The following EPHA10 variants were observed in gnomAD, a reference collection of about 807,000 sequenced individuals.
EPHA10 encodes EPH receptor A10.
EPHA10 carries 120 observed loss-of-function variants against 109.7 expected under a neutral mutation model. The ratio of observed to expected loss-of-function variants is 1.09; its 90% CI spans 0.94 to 1.27. The LOEUF (loss-of-function observed/expected upper bound fraction) is 1.27. EPHA10 is among the 50% of genes most tolerant of loss of function. EPHA10 has a pLI of 0.00. For missense variants in EPHA10, 1,396 were observed against 1,411.1 expected (o/e 0.99, Z 0.17); for synonymous variants, 640 against 618.9 (o/e 1.03, Z -0.51).
At chr1:37,722,274 TC>T in intron 10 of EPHA10, 1 of 245,742 alleles carries the variant, frequency 4.1e-6, no homozygotes, top group Non-Finnish European at 8.2e-6. Flanking sequence ...TCTGCCTTCC[TC>T]AGTGGGGGGA....
chr1:37,761,104 A>AC (rs1557560341), intron 3 of EPHA10: 1 of 1,048,850 alleles, frequency 9.5e-7, no homozygotes, highest in African/African-American at 1.6e-5. Context: ...AAAAAAAAAA[A>AC]CAATGACTTC....
Position 37,761,669 on chromosome 1 carries a change from C to CAG in EPHA10, c.585_586insCT (p.Gly196LeufsTer154), listed in dbSNP as rs762420581. 1.2e-6 allele frequency: 2 copies of CAG among 1,610,602 alleles called. No individual in the cohort carries two copies. The highest frequency in any genetic ancestry group is 1.7e-6 in the Non-Finnish European group (2 of 1,179,870). ...ACCGAGACAAGCGCCACGCATGCGC[C>CAG]CACGTCCTGAAAGGCCAGGTGGAAA... On this transcript the variant is annotated frameshift_variant, in exon 3 of 17. Coordinates refer to ENST00000373048, the MANE Select transcript of EPHA10 (RefSeq NM_001099439.2). LOFTEE classifies it high-confidence loss of function.
intron 8 of EPHA10, among the ~76,000 whole-genome samples, chr1:37,725,530 A>AAG (rs1645875778): frequency 3.5e-5 from 5 of 142,402 alleles, no homozygotes; most frequent in South Asian, 2.3e-4. Flanking sequence ...AAAAAAAAAA[A>AAG]GAAGTAACGA....
At chr1:37,757,463 T>A (rs1646399519) in intron 3 of EPHA10, among the ~76,000 whole-genome samples, 1 of 152,178 alleles carries the variant, frequency 6.6e-6, no homozygotes, top group South Asian at 2.1e-4. Flanking sequence ...CTTTCACACC[T>A]CTGGGTCTTG....
At chr1:37,761,148 C>T in intron 3 of EPHA10, 1 of 1,329,668 alleles carries the variant, frequency 7.5e-7, no homozygotes, top group Non-Finnish European at 9.6e-7. Context: ...AACGAGAAGG[C>T]CTGTGCAAGG....
intron 7 of EPHA10, among the ~76,000 whole-genome samples, chr1:37,730,305 A>G (rs1645960572): frequency 6.6e-6 from 1 of 152,134 alleles, no homozygotes; most frequent in African/African-American, 2.4e-5. Flanking sequence ...CCTATCTTGG[A>G]TTAGAGTCAT....
chr1:37,755,593 T>C (rs1038828476), intron 3 of EPHA10, among the ~76,000 whole-genome samples: 5 of 152,184 alleles, frequency 3.3e-5, no homozygotes, highest in African/African-American at 4.8e-5. Flanking sequence ...ACCCCACTTA[T>C]TTGCTGTGTG....
chr1:37,753,892 G>T (rs1190850064), intron 4 of EPHA10, among the ~76,000 whole-genome samples: 1 of 152,070 alleles, frequency 6.6e-6, no homozygotes, highest in African/African-American at 2.4e-5. Context: ...AAGGTCGGGA[G>T]CCCCCCTTTC....
chr1:37,750,983 A>T (rs1646313524), intron 5 of EPHA10, among the ~76,000 whole-genome samples: 1 of 151,992 alleles, frequency 6.6e-6, no homozygotes, highest in Admixed American at 6.6e-5. Context: ...AGGAGGACAG[A>T]TCACGAGCTC....
chr1:37,759,649 G>T (rs377564777), intron 3 of EPHA10, among the ~76,000 whole-genome samples: 4 of 152,180 alleles, frequency 2.6e-5, no homozygotes, highest in Non-Finnish European at 5.9e-5. Flanking sequence ...CTAATCTAGG[G>T]TGTGGTCCCT....
rs1303175260 is a variant in EPHA10, at chr1:37,762,068, C to T, written c.187G>A (p.Gly63Ser). Residue 63 changes from glycine (G) to serine (S), a missense_variant, in exon 3 of 17, where the codon GGC (glycine) becomes AGC (serine). Physicochemically the swap from Gly to Ser is moderately conservative, Grantham distance 56. Transcript: ENST00000373048. ...ATGGGACGGTCGTGTTCATCCACGC[C>T]GCTGATCTCCTCCCACTGGGGACAA... is the stretch of plus-strand genomic sequence containing the variant. ...LPSNGWEEIS[G>S]VDEHDRPIRT... 2 of 1,588,056 alleles carry T rather than the reference C, an allele frequency of 1.3e-6. No individual in the cohort carries two copies. The highest frequency in any genetic ancestry group is 1.3e-5 in the African/African-American group (1 of 74,634).
In EPHA10 at chr1:37,720,427, C is replaced by T; in HGVS notation, c.2336G>A (p.Ser779Asn). The part of the protein sequence containing the change: ...RGLAARHVLV[S>N]SDLVCKISGF... The stretch of plus-strand genomic sequence containing the variant: ...AGAGATCTTGCAGACAAGGTCGCTG[C>T]TGACCAGCACATGGCGAGCTGCCAG... Residue 779 changes from serine (S) to asparagine (N), a missense_variant, in exon 13 of 17, where the codon AGC (serine) becomes AAC (asparagine). By Grantham distance (46) the Ser-to-Asn change is conservative. Transcript: ENST00000373048. The T allele has an allele frequency of 6.2e-7, 1 of 1,613,554 alleles. No individual in the cohort carries two copies. Among genetic ancestry groups the T allele is most frequent in the Non-Finnish European group, 8.5e-7 (1 of 1,180,008 alleles).
At chr1:37,752,773 G>C in intron 5 of EPHA10, 103 bp downstream of exon 5, 3 of 681,518 alleles carry the variant, frequency 4.4e-6, no homozygotes, top group Non-Finnish European at 5.7e-6. Context: ...GGCTTCTCTG[G>C]GGTGGGTGGG....
intron 10 of EPHA10, 31 bp downstream of exon 10, chr1:37,723,010 G>A (rs1452271582): frequency 3.1e-6 from 5 of 1,613,858 alleles, no homozygotes; most frequent in Admixed American, 1.7e-5. Flanking sequence ...GCTTCCAGAT[G>A]GGGACAAGGC....
intron 3 of EPHA10, 135 bp downstream of exon 3, chr1:37,761,270 C>T: frequency 6.6e-7 from 1 of 1,516,216 alleles, no homozygotes; most frequent in Admixed American, 2.1e-5. Context: ...TCAGGGCTCT[C>T]CTTGGGCTCC....
intron 5 of EPHA10, among the ~76,000 whole-genome samples, chr1:37,752,632 C>T (rs12723942): frequency 1.3e-5 from 2 of 152,170 alleles, no homozygotes; most frequent in African/African-American, 4.8e-5. Context: ...CGCGCCTCCC[C>T]TCTGGCCCAG....
Position 37,753,182 on chromosome 1 carries a change from AG to A in EPHA10, c.1050del (p.Ser351ArgfsTer157), listed in dbSNP as rs781164978. On this transcript the variant is annotated frameshift_variant, in exon 5 of 17. Transcript: ENST00000373048. LOFTEE classifies it high-confidence loss of function. ...CAGCGCAGTCGCAGCACCAGCGGCG[AG>A]CGGCTCAGGCTGTACTGCAGGTCCC... ...APRDLQYSLS[R>X]SPLVLRLRWL... is the part of the protein sequence containing the mutation. 12 of 1,400,286 alleles carry A rather than the reference AG, an allele frequency of 8.6e-6. No homozygotes were observed. Among genetic ancestry groups the A allele is most frequent in the Non-Finnish European group, 1.1e-5 (12 of 1,079,336 alleles). The allele number at this position is 1,400,286 out of a possible 1,614,324, so 86.7% of individuals were successfully genotyped here.
intron 8 of EPHA10, 70 bp from the exon 9 acceptor site, chr1:37,723,442 G>A: frequency 1.3e-6 from 2 of 1,538,838 alleles, no homozygotes; most frequent in South Asian, 2.3e-5. Context: ...AGCACTGAGG[G>A]CAGCACCTCT....
At chr1:37,734,916 T>TAA (rs1646044082) in intron 6 of EPHA10, among the ~76,000 whole-genome samples, 2 of 152,340 alleles carry the variant, frequency 1.3e-5, no homozygotes, top group African/African-American at 4.8e-5. Flanking sequence ...ATGATCTTTC[T>TAA]GTGTCCTTTT....
Sources: allele counts gnomAD v4.1 joint callset (sites outside exome capture counted in the v4.1 genomes callset), GRCh38; gene constraint gnomAD v4.1.1; transcripts MANE v1.5; gene names NCBI Gene and HGNC (gene_info 2026-07-23, HGNC 2026-07-21).